The following ACAP2 variants were observed in gnomAD, a reference collection of about 807,000 sequenced individuals.
The protein encoded by ACAP2 is arf-GAP with coiled-coil, ANK repeat and PH domain-containing protein 2.
In ACAP2, 39 loss-of-function variants were observed where a neutral mutation model predicts 115.8. That is an observed-to-expected ratio of 0.34 (90% CI 0.26 to 0.44). ACAP2 has a LOEUF of 0.44. Among genes scored for constraint, ACAP2 ranks in the 20% least tolerant of loss-of-function variants. The probability of loss-of-function intolerance (pLI) is 1.00; values close to 1 mark genes in which losing one functional copy is unlikely to be tolerated. For missense variants in ACAP2, 662 were observed against 927.6 expected, an observed-to-expected ratio of 0.71 and a Z score of 3.72; for synonymous variants, 289 against 315.8, an observed-to-expected ratio of 0.92 and a Z score of 0.90.
At chr3:195,306,375 A>G in intron 13 of ACAP2, 136 bp downstream of exon 13, 1 of 495,688 alleles carries the variant, frequency 2.0e-6, no homozygotes, top group East Asian at 3.2e-5. Flanking sequence ...AATTAAATCC[A>G]GATTTTAAAA....
chr3:195,280,786 G>A (rs1469002700), intron 22 of ACAP2: 1 of 152,176 alleles, frequency 6.6e-6, no homozygotes, highest in Non-Finnish European at 1.5e-5. Flanking sequence ...CGTTGATCAT[G>A]AATGCTTCCT....
At chr3:195,379,155 C>T (rs1322728190) in intron 4 of ACAP2, among the ~76,000 whole-genome samples, 1 of 152,074 alleles carries the variant, frequency 6.6e-6, no homozygotes, top group Non-Finnish European at 1.5e-5. Context: ...AAAACTATTA[C>T]GTGGTCAAAT....
At chr3:195,401,390 C>A (rs1046781898) in intron 1 of ACAP2, among the ~76,000 whole-genome samples, 1 of 152,170 alleles carries the variant, frequency 6.6e-6, no homozygotes, top group Non-Finnish European at 1.5e-5. Flanking sequence ...CTAGGCTGGG[C>A]GCAGTGGCTC....
intron 4 of ACAP2, among the ~76,000 whole-genome samples, chr3:195,360,240 A>G (rs1042514664): frequency 6.6e-6 from 1 of 152,234 alleles, no homozygotes; most frequent in African/African-American, 2.4e-5. Flanking sequence ...TATATCACAC[A>G]AAACAGACTT....
chr3:195,315,050 G>A (rs1007825088), intron 10 of ACAP2, among the ~76,000 whole-genome samples: 2 of 152,180 alleles, frequency 1.3e-5, no homozygotes, highest in Admixed American at 6.5e-5. Context: ...CAGGGTCTCC[G>A]TCACCCAGGC....
At chr3:195,365,479 T>TA (rs1352468704) in intron 4 of ACAP2, among the ~76,000 whole-genome samples, 1 of 152,046 alleles carries the variant, frequency 6.6e-6, no homozygotes, top group African/African-American at 2.4e-5. Flanking sequence ...GGCATACACC[T>TA]ACCATCCTGA....
At chr3:195,297,060 C>T in intron 16 of ACAP2, 130 bp downstream of exon 16, 1 of 723,472 alleles carries the variant, frequency 1.4e-6, no homozygotes. Context: ...AAAGAGATAG[C>T]CAACATTCGA....
intron 1 of ACAP2, among the ~76,000 whole-genome samples, chr3:195,409,879 C>CAAAAAAAAAAAAAAA (rs59779977): frequency 3.5e-5 from 2 of 56,994 alleles, no homozygotes; most frequent in African/African-American, 7.8e-5. Flanking sequence ...GACTCCATCT[C>CAAAAAAAAAAAAAAA]AAAAAAAAAA....
At position 195,277,042 on chromosome 3, in the gene ACAP2, C is replaced by T. The variant is rs1242017819; in HGVS notation, c.*2286G>A. 4 of 152,120 alleles carry T rather than the reference C, an allele frequency of 2.6e-5. No individual in the cohort carries two copies. Among genetic ancestry groups the T allele is most frequent in the African/African-American group, 9.7e-5 (4 of 41,426 alleles). The allele number at this position is 152,120 out of a possible 1,614,324, so 9.4% of individuals were successfully genotyped here. On this transcript the variant is annotated 3_prime_UTR_variant, in exon 23 of 23. Transcript: ENST00000326793. The stretch of plus-strand genomic sequence containing the variant: ...TTACTGCCATATTAACAATTCATCA[C>T]GTAAGCCACAGGAGGCAAGAGTCTC...
At chr3:195,300,506 G>A (rs1050037671) in intron 15 of ACAP2, among the ~76,000 whole-genome samples, 1 of 152,124 alleles carries the variant, frequency 6.6e-6, no homozygotes, top group African/African-American at 2.4e-5. Context: ...AATTATTTAT[G>A]ACATTTTCAT....
chr3:195,438,392 TAAA>T (rs11340511), intron 1 of ACAP2, among the ~76,000 whole-genome samples: 1 of 146,598 alleles, frequency 6.8e-6, no homozygotes. Flanking sequence ...CTTCTGAGAT[TAAA>T]AAAAAAAAAA....
intron 1 of ACAP2, among the ~76,000 whole-genome samples, chr3:195,422,506 G>T (rs146010310): frequency 6.6e-6 from 1 of 152,120 alleles, no homozygotes; most frequent in East Asian, 1.9e-4. Flanking sequence ...TTTAGAGATG[G>T]AGTCTTGCTC....
chr3:195,292,903 T>C (rs930528570), intron 18 of ACAP2, among the ~76,000 whole-genome samples: 9 of 109,052 alleles, frequency 8.3e-5, no homozygotes, highest in African/African-American at 2.2e-4. Context: ...GCCTGAGCAA[T>C]AGAGCGAGAC....
At chr3:195,426,751 G>C (rs1178241493) in intron 1 of ACAP2, among the ~76,000 whole-genome samples, 1 of 152,124 alleles carries the variant, frequency 6.6e-6, no homozygotes, top group Non-Finnish European at 1.5e-5. Flanking sequence ...ACCAAAATTT[G>C]CACTATGATT....
At chr3:195,300,424 T>C (rs538302543) in intron 15 of ACAP2, among the ~76,000 whole-genome samples, 20 of 152,300 alleles carry the variant, frequency 1.3e-4, no homozygotes, top group African/African-American at 4.3e-4. Flanking sequence ...GTAAACTAGA[T>C]GGCAGGAATT....
At chr3:195,318,112 G>A (rs2109020902) in intron 10 of ACAP2, among the ~76,000 whole-genome samples, 1 of 152,294 alleles carries the variant, frequency 6.6e-6, no homozygotes, top group African/African-American at 2.4e-5. Context: ...CCACCTTTGT[G>A]AGGAAGATGC....
At chr3:195,362,143 G>A (rs1732412306) in intron 4 of ACAP2, among the ~76,000 whole-genome samples, 1 of 151,760 alleles carries the variant, frequency 6.6e-6, no homozygotes, top group African/African-American at 2.4e-5. Context: ...CTGAAACCCC[G>A]TCTCTACTAA....
At chr3:195,400,233 T>G (rs925869964) in intron 1 of ACAP2, among the ~76,000 whole-genome samples, 1 of 151,576 alleles carries the variant, frequency 6.6e-6, no homozygotes, top group Non-Finnish European at 1.5e-5. Flanking sequence ...TGTGTGTATA[T>G]ATATATATAT....
intron 1 of ACAP2, among the ~76,000 whole-genome samples, chr3:195,422,384 T>C (rs1714261203): frequency 6.6e-6 from 1 of 152,240 alleles, no homozygotes; most frequent in South Asian, 2.1e-4. Flanking sequence ...TCTCCCTTAC[T>C]GTCTCTGAAA....
Sources: gnomAD v4.1 joint callset for allele counts (sites outside exome capture counted in the v4.1 genomes callset) on GRCh38, gnomAD v4.1.1 for gene constraint, MANE v1.5 for transcripts, NCBI Gene and HGNC (gene_info 2026-07-23, HGNC 2026-07-21) for gene names.